The following LCN12 variants were observed in gnomAD, a reference collection of about 807,000 sequenced individuals.
The protein encoded by LCN12 is lipocalin 12.
A neutral mutation model predicts 23.7 loss-of-function variants in LCN12; 15 were observed. The observed-to-expected ratio is 0.63, with a 90% CI of 0.42 to 0.97. LCN12 has a LOEUF of 0.97. Among genes scored for constraint, LCN12 ranks in the 50% least tolerant of loss-of-function variants. The pLI is 0.00. For missense variants in LCN12, 219 were observed against 249.6 expected (o/e 0.88, Z 0.83); for synonymous variants, 116 against 111.5 (o/e 1.04, Z -0.25).
chr9:136,955,022 C>T (rs1851290580), intron 5 of LCN12: 1 of 1,376,136 alleles, frequency 7.3e-7, no homozygotes. Context: ...TGCTGTCTAC[C>T]CGTGCACAGG....
At chr9:136,953,179 T>C in intron 2 of LCN12, 151 bp downstream of exon 2, 1 of 1,097,704 alleles carries the variant, frequency 9.1e-7, no homozygotes, top group East Asian at 2.5e-5. Flanking sequence ...CTGGGGAGTA[T>C]ACAAAAAAGT....
At chr9:136,949,324 C>G (rs913696106), upstream of LCN12, among the ~76,000 whole-genome samples, 12 of 152,250 alleles carry the variant, frequency 7.9e-5, no homozygotes, top group African/African-American at 2.7e-4. Flanking sequence ...CCAGGACTGT[C>G]CTGGGTGCCC....
chr9:136,956,069 C>A (rs73557439), downstream of LCN12, among the ~76,000 whole-genome samples: 1 of 152,122 alleles, frequency 6.6e-6, no homozygotes. Flanking sequence ...CTGAGCCCCC[C>A]AACCCTGACT....
chr9:136,955,821 A>G (rs1418033029), downstream of LCN12, among the ~76,000 whole-genome samples: 1 of 152,160 alleles, frequency 6.6e-6, no homozygotes, highest in Non-Finnish European at 1.5e-5. Flanking sequence ...GCCATACCAG[A>G]TGCAGCCGGG....
intron 1 of LCN12, 59 bp from the exon 2 acceptor site, chr9:136,952,833 T>A: frequency 6.3e-7 from 1 of 1,580,882 alleles, no homozygotes; most frequent in Non-Finnish European, 8.6e-7. Context: ...AGGGGGCTCC[T>A]GACCCTGCCC....
At chr9:136,953,118 T>G in intron 2 of LCN12, 90 bp downstream of exon 2, 1 of 1,539,688 alleles carries the variant, frequency 6.5e-7, no homozygotes, top group South Asian at 1.2e-5. Flanking sequence ...CCATGGGCCC[T>G]GTCCCAGCAC....
chr9:136,952,577 C>T, intron 1 of LCN12, 136 bp downstream of exon 1: 1 of 688,744 alleles, frequency 1.5e-6, no homozygotes, highest in Middle Eastern at 3.9e-4. Flanking sequence ...AGGCGGGCCC[C>T]TGACCTCCAG....
Position 136,953,580 on chromosome 9 carries a change from G to A in LCN12, c.252-120G>A, listed in dbSNP as rs115723985. On this transcript the variant is annotated intron_variant, in intron 2 of 5. Transcript: ENST00000371633. ...GTTAGACACCATCTCCACTCATGAC[G>A]CTTGGCCACTCCCGCCGTGGGTCCC... The A allele has an allele frequency of 1.7e-3, 1,118 of 668,150 alleles. 11 individuals are homozygous for A. The African/African-American group carries it at 0.018, about 11-fold the overall frequency. The allele number at this position is 668,150 out of a possible 1,614,324, so 41.4% of individuals were successfully genotyped here. A position where few individuals can be genotyped will look rare whatever the true frequency, so the allele number is the denominator to read the frequency against.
chr9:136,952,790 G>A, intron 1 of LCN12, 102 bp from the exon 2 acceptor site: 1 of 1,400,172 alleles, frequency 7.1e-7, no homozygotes, highest in Non-Finnish European at 9.8e-7. Flanking sequence ...GCACTGCTCT[G>A]TGAGGGGTCC....
chr9:136,955,297 C>T, intron 5 of LCN12, 74 bp from the exon 6 acceptor site: 1 of 1,563,280 alleles, frequency 6.4e-7, no homozygotes, highest in African/African-American at 1.4e-5. Flanking sequence ...CCTTTGTGCC[C>T]TCCCTTGCTT....
chr9:136,951,129 A>G (rs1214844764), upstream of LCN12: 1 of 153,708 alleles, frequency 6.5e-6, no homozygotes, highest in Non-Finnish European at 1.5e-5. Flanking sequence ...GGCTTCAGCT[A>G]CCTGTGAGGA....
upstream of LCN12, among the ~76,000 whole-genome samples, chr9:136,951,029 C>T (rs367612770): frequency 0.027 from 1,154 of 42,118 alleles, 20 homozygotes; most frequent in South Asian, 0.21. Context: ...CCTGGGGGGC[C>T]TGGACAGAGG....
chr9:136,953,502 G>A (rs1851226289), intron 2 of LCN12, 198 bp from the exon 3 acceptor site: 2 of 572,148 alleles, frequency 3.5e-6, no homozygotes, highest in African/African-American at 3.7e-5. Flanking sequence ...TCAGGAGGCA[G>A]AGGCAGAAGG....
rs193302072 is a variant in LCN12 at position 136,953,943 on chromosome 9, G to C, written c.427G>C (p.Val143Leu). The C allele has an allele frequency of 6.2e-7, 1 of 1,610,484 alleles. No individual in the cohort carries two copies. Residue 143 changes from valine (V) to leucine (L), a missense_variant, in exon 4 of 6, where the codon GTC (valine) becomes CTC (leucine). Val to Leu is a conservative substitution (Grantham distance 32). Transcript: ENST00000371633. ...LSRRHTSRLAVLRISLLGRSW... is the reference protein window; with the variant it reads ...LSRRHTSRLALLRISLLGRSW... Reference sequence around the variant, plus strand: ...CCGCAGACACACGAGCAGGCTGGCCGTCCTCAGGATCAGCCTGCTGGGTGA... The same window carrying C: ...CCGCAGACACACGAGCAGGCTGGCCCTCCTCAGGATCAGCCTGCTGGGTGA...
At chr9:136,950,357 T>C (rs1218329271), upstream of LCN12, among the ~76,000 whole-genome samples, 1 of 151,900 alleles carries the variant, frequency 6.6e-6, no homozygotes, top group African/African-American at 2.4e-5. Context: ...GGAGGGAGCA[T>C]GGGGCCTGAG....
At chr9:136,950,103 C>A (rs546057860), upstream of LCN12, among the ~76,000 whole-genome samples, 16 of 152,348 alleles carry the variant, frequency 1.1e-4, 1 homozygote, top group Middle Eastern at 3.4e-3. Context: ...CCCAGCCAGG[C>A]AAAGGCACCT....
At chr9:136,952,841 C>G in intron 1 of LCN12, 51 bp from the exon 2 acceptor site, 3 of 1,585,184 alleles carry the variant, frequency 1.9e-6, no homozygotes, top group Non-Finnish European at 2.6e-6. Context: ...CCTGACCCTG[C>G]CCACTGCCAC....
At chr9:136,954,383 G>T in intron 5 of LCN12, 128 bp downstream of exon 5, 1 of 1,078,764 alleles carries the variant, frequency 9.3e-7, no homozygotes, top group Non-Finnish European at 1.4e-6. Context: ...GCGCTCAGGG[G>T]TCTCCAGGCT....
Position 136,955,387 on chromosome 9 carries a change from C to T in LCN12, c.567C>T (p.Ala189=). 1 of 1,613,390 alleles carries T rather than the reference C, an allele frequency of 6.2e-7. No homozygotes were observed. The highest frequency in any genetic ancestry group is 8.5e-7 in the Non-Finnish European group (1 of 1,179,804). Residue 189 remains alanine (A), a synonymous_variant, in exon 6 of 6, where the codon GCC becomes GCT. Coordinates refer to ENST00000371633, the MANE Select transcript of LCN12 (RefSeq NM_178536.4). ...FPDVTGWSPQ[A]SVC The stretch of plus-strand genomic sequence containing the variant: ...CCCCACCAGGCTGGTCACCCCAGGC[C>T]AGCGTCTGTTGAAGGATGAAGCAGC...
Sources: gnomAD v4.1 joint callset for allele counts (sites outside exome capture counted in the v4.1 genomes callset) on GRCh38, gnomAD v4.1.1 for gene constraint, MANE v1.5 for transcripts, NCBI Gene and HGNC (gene_info 2026-07-23, HGNC 2026-07-21) for gene names.